Variants in BLTP1 observed in about 807,000 individuals in gnomAD.
BLTP1 encodes bridge-like lipid transfer protein family member 1.
the BLTP1 span, chr4:122,343,874 C>G: frequency 5.0e-5 from 39 of 779,836 alleles, no homozygotes; most frequent in Non-Finnish European, 5.9e-5. Flanking sequence ...TCAGAGATTA[C>G]TTATGTTATT....
the BLTP1 span, chr4:122,343,596 G>T: frequency 4.3e-6 from 7 of 1,613,942 alleles, no homozygotes; most frequent in South Asian, 7.7e-5. Context: ...CTCACACCTG[G>T]ATCAGGAGGA....
chr4:122,294,407 T>C, the BLTP1 span, among the ~76,000 whole-genome samples: 4 of 152,220 alleles, frequency 2.6e-5, no homozygotes, highest in African/African-American at 9.6e-5. Flanking sequence ...AGGGGCAGGC[T>C]GTCATCTTTG....
At chr4:122,218,876 A>G in the BLTP1 span, among the ~76,000 whole-genome samples, 1 of 152,228 alleles carries the variant, frequency 6.6e-6, no homozygotes, top group African/African-American at 2.4e-5. Context: ...AGCTGTTAAA[A>G]CATGCCCAAT....
chr4:122,301,187 G>A, the BLTP1 span: 25 of 1,228,962 alleles, frequency 2.0e-5, no homozygotes, highest in Non-Finnish European at 2.5e-5. Flanking sequence ...AAAGATCTCT[G>A]TATCAGTGGT....
chr4:122,309,541 G>C, the BLTP1 span: 2 of 1,379,910 alleles, frequency 1.4e-6, no homozygotes, highest in East Asian at 4.7e-5. Context: ...GAAATTAAAA[G>C]ATGCTTAGAT....
chr4:122,204,606 T>C, the BLTP1 span: 2 of 981,726 alleles, frequency 2.0e-6, no homozygotes, highest in Non-Finnish European at 2.4e-6. Context: ...TAGTTTTTCC[T>C]TAGCAGAGAG....
At chr4:122,163,561 G>A in the BLTP1 span, among the ~76,000 whole-genome samples, 2 of 152,168 alleles carry the variant, frequency 1.3e-5, no homozygotes, top group African/African-American at 4.8e-5. Flanking sequence ...GACACCAATA[G>A]CATTGGCTGC....
chr4:122,264,505 G>A, the BLTP1 span: 8 of 1,311,028 alleles, frequency 6.1e-6, no homozygotes, highest in African/African-American at 1.5e-5. Flanking sequence ...CCAATAGTAC[G>A]CACCTTGGAA....
At chr4:122,251,652 C>T in the BLTP1 span, 4 of 972,952 alleles carry the variant, frequency 4.1e-6, no homozygotes, top group African/African-American at 7.0e-5. Context: ...GAAATTCAGG[C>T]ATCTTTCTTG....
At chr4:122,331,501 A>G in the BLTP1 span, 7 of 1,611,582 alleles carry the variant, frequency 4.3e-6, no homozygotes, top group Non-Finnish European at 5.9e-6. Flanking sequence ...ACTCCACCCA[A>G]CCACCCTTCT....
chr4:122,255,219 T>A, the BLTP1 span: 1 of 1,613,094 alleles, frequency 6.2e-7, no homozygotes, highest in African/African-American at 1.3e-5. Context: ...TCATGTTTAC[T>A]ATGTAATATA....
chr4:122,166,590 G>GT, the BLTP1 span, among the ~76,000 whole-genome samples: 48 of 152,266 alleles, frequency 3.2e-4, no homozygotes, highest in Admixed American at 9.8e-4. Flanking sequence ...CTTTAAAGTA[G>GT]TTTTTTCCAA....
chr4:122,344,357 T>C, the BLTP1 span: 1 of 1,608,248 alleles, frequency 6.2e-7, no homozygotes, highest in Non-Finnish European at 8.5e-7. Context: ...GATGTGGGGG[T>C]TGTGTTTGTT....
At chr4:122,255,154 A>G in the BLTP1 span, 1 of 1,604,296 alleles carries the variant, frequency 6.2e-7, no homozygotes, top group Non-Finnish European at 8.5e-7. Context: ...ATTTTCCCCT[A>G]AGAAGTAAAT....
chr4:122,185,264 T>A, the BLTP1 span: 1 of 980,406 alleles, frequency 1.0e-6, no homozygotes, highest in Non-Finnish European at 1.2e-6. Context: ...CATTTAAATA[T>A]CCGTAAATGT....
chr4:122,246,027 A>G, the BLTP1 span: 2 of 1,110,826 alleles, frequency 1.8e-6, no homozygotes, highest in Non-Finnish European at 2.4e-6. Flanking sequence ...GGTGGGATAT[A>G]AAACTAGAAC....
the BLTP1 span, chr4:122,316,565 T>C: frequency 2.2e-6 from 2 of 894,680 alleles, no homozygotes; most frequent in Non-Finnish European, 3.5e-6. Context: ...AGCAACTAAA[T>C]AGATTCCTTA....
the BLTP1 span, chr4:122,249,619 C>G: frequency 1.2e-6 from 2 of 1,613,532 alleles, no homozygotes; most frequent in African/African-American, 2.7e-5. Context: ...TCGAATAGGT[C>G]CCAGCCAAGA....
chr4:122,152,380 C>T, the BLTP1 span: 92 of 985,760 alleles, frequency 9.3e-5, no homozygotes, highest in Non-Finnish European at 9.8e-5. Flanking sequence ...CCTCCGCCCC[C>T]TTGGGTGTCG....
Sources: allele counts gnomAD v4.1 joint callset (sites outside exome capture counted in the v4.1 genomes callset), GRCh38; gene constraint gnomAD v4.1.1; transcripts MANE v1.5; gene names NCBI Gene and HGNC (gene_info 2026-07-23, HGNC 2026-07-21).